NRK: variants seen among roughly 807,000 people sequenced by gnomAD.
NRK encodes the protein Nik related kinase.
A neutral mutation model predicts 125.2 loss-of-function variants in NRK; 67 were observed. The observed-to-expected ratio is 0.54, with a 90% CI of 0.44 to 0.66. The LOEUF is 0.66. Among genes scored for constraint, NRK ranks in the 30% least tolerant of loss-of-function variants. The probability of loss-of-function intolerance (pLI) is 0.00; values close to 1 mark genes in which losing one functional copy is unlikely to be tolerated. For synonymous variants in NRK, 458 were observed against 429.0 expected (o/e 1.07, Z -0.84); for missense variants, 1,224 against 1,192.9 (o/e 1.03, Z -0.38).
At chrX:105,933,376 G>A (rs759329860) in intron 19 of NRK, among the ~76,000 whole-genome samples, 1 of 111,698 alleles carries the variant, frequency 9.0e-6, no homozygotes. Flanking sequence ...TGTTTTTGTG[G>A]TTGAAAAGGT....
chrX:105,920,649 C>A (rs1336790504), intron 16 of NRK, among the ~76,000 whole-genome samples: 3 of 110,418 alleles, frequency 2.7e-5, no homozygotes, highest in Non-Finnish European at 5.7e-5. Flanking sequence ...AAACAAACAA[C>A]CCCATCAAAA....
At chrX:105,913,991 A>G in intron 14 of NRK, among the ~76,000 whole-genome samples, 1 of 110,881 alleles carries the variant, frequency 9.0e-6, no homozygotes, top group East Asian at 2.8e-4. Flanking sequence ...TAGAAAAGGT[A>G]GCATCATCAT....
At chrX:105,923,004 A>G (rs1277899033) in intron 17 of NRK, 114 bp from the exon 18 acceptor site, 13 of 790,696 alleles carry the variant, frequency 1.6e-5, no homozygotes, top group Non-Finnish European at 2.3e-5. Flanking sequence ...TAATGAGTGA[A>G]CATCCTTGTT....
In NRK at chrX:105,822,668, A is replaced by G. The variant is rs926806317; in HGVS notation, c.-178A>G. On this transcript the variant is annotated 5_prime_UTR_variant, in exon 1 of 29. Coordinates refer to ENST00000243300, the MANE Select transcript of NRK (RefSeq NM_198465.4). ...AAACTCCGGTTTCCCTCCACTCCCA[A>G]CTCTTTTCACTACACGTTTCCCCTC... is the stretch of plus-strand genomic sequence containing the variant. 6.0e-6 allele frequency: 3 copies of G among 501,876 alleles called. No individual in the cohort carries two copies. The highest frequency in any genetic ancestry group is 4.8e-5 in the African/African-American group (2 of 41,621). The allele number at this position is 501,876 out of a possible 1,213,427, so 41.4% of individuals were successfully genotyped here.
intron 2 of NRK, among the ~76,000 whole-genome samples, chrX:105,834,179 G>GA (rs1395665189): frequency 1.8e-5 from 2 of 111,245 alleles, no homozygotes; most frequent in South Asian, 3.7e-4. Flanking sequence ...TCTGAGTAAT[G>GA]AATTATCTGC....
At chrX:105,941,593 A>AGAC (rs2147789745) in intron 23 of NRK, among the ~76,000 whole-genome samples, 1 of 66,775 alleles carries the variant, frequency 1.5e-5, no homozygotes, top group Non-Finnish European at 2.8e-5. Context: ...GAGAGAGAGA[A>AGAC]TGCGTAGGGA....
chrX:105,953,308 A>G (rs1194205570), intron 28 of NRK, 135 bp downstream of exon 28: 2 of 460,608 alleles, frequency 4.3e-6, no homozygotes, highest in African/African-American at 5.0e-5. Flanking sequence ...CATACTATTG[A>G]TTAAAAAACA....
intron 1 of NRK, among the ~76,000 whole-genome samples, chrX:105,824,821 A>G (rs2039072240): frequency 9.0e-6 from 1 of 111,070 alleles, no homozygotes; most frequent in African/African-American, 3.3e-5. Context: ...TTTTAATGTA[A>G]GGGGAGTAGC....
rs535938947 is a variant in NRK at position 105,957,502 on chromosome X, G to A, written c.*1902G>A. ...TTTTTCTTCATAATATTTACTCAAAGTTAAGCTTAAAAATAAGTTTTATCT... is the reference window on the plus strand; with the variant it reads ...TTTTTCTTCATAATATTTACTCAAAATTAAGCTTAAAAATAAGTTTTATCT... On this transcript the variant is annotated 3_prime_UTR_variant, in exon 29 of 29. Transcript: ENST00000243300. 1.8e-5 allele frequency: 2 copies of A among 111,590 alleles called. No individual in the cohort carries two copies. Among genetic ancestry groups the A allele is most frequent in the Admixed American group, 1.9e-4 (2 of 10,381 alleles). The allele number at this position is 111,590 out of a possible 1,213,427, so 9.2% of individuals were successfully genotyped here. A position where few individuals can be genotyped will look rare whatever the true frequency, so the allele number is the denominator to read the frequency against.
At chrX:105,875,515 G>A (rs1451293222) in intron 2 of NRK, among the ~76,000 whole-genome samples, 1 of 111,193 alleles carries the variant, frequency 9.0e-6, no homozygotes, top group Non-Finnish European at 1.9e-5. Context: ...CTAATATTGA[G>A]TTTCATTATC....
chrX:105,922,560 A>C lies in NRK; in HGVS notation c.2610+499A>C, dbSNP rs141920924. Among the ~76,000 whole-genome samples the C allele has an allele frequency of 3.6e-5, 4 of 112,068 alleles. No individual in the cohort carries two copies. The East Asian group carries it at 1.1e-3, about 32-fold the overall frequency. Reference sequence around the variant, plus strand: ...ATGCAATGTGCTTTCAGATTATTCTATTTCAATTTTGAATTACCTCTATGC... The same window carrying C: ...ATGCAATGTGCTTTCAGATTATTCTCTTTCAATTTTGAATTACCTCTATGC... On this transcript the variant is annotated intron_variant, in intron 17 of 28. Coordinates refer to ENST00000243300, the MANE Select transcript of NRK (RefSeq NM_198465.4).
intron 28 of NRK, 144 bp from the exon 29 acceptor site, chrX:105,955,361 C>G: frequency 2.8e-6 from 1 of 363,054 alleles, no homozygotes; most frequent in Non-Finnish European, 4.9e-6. Flanking sequence ...TAAACTCATT[C>G]TTTCATTTGA....
intron 9 of NRK, among the ~76,000 whole-genome samples, chrX:105,902,631 A>G (rs750618012): frequency 8.9e-6 from 1 of 112,048 alleles, no homozygotes; most frequent in Non-Finnish European, 1.9e-5. Flanking sequence ...TAGGTTCCCA[A>G]ACCCTGGGCC....
At chrX:105,915,269 G>T (rs541128494) in intron 14 of NRK, among the ~76,000 whole-genome samples, 2 of 110,525 alleles carry the variant, frequency 1.8e-5, no homozygotes, top group South Asian at 7.6e-4. Context: ...AAAATCTAGG[G>T]TTAGCTTAAA....
chrX:105,858,383 T>G (rs1431084396), intron 2 of NRK, among the ~76,000 whole-genome samples: 2 of 50,393 alleles, frequency 4.0e-5, no homozygotes, highest in Non-Finnish European at 6.5e-5. Context: ...CCATCTCCAG[T>G]TTTTTTTTTT....
At chrX:105,863,746 A>G (rs968534043) in intron 2 of NRK, among the ~76,000 whole-genome samples, 2 of 112,403 alleles carry the variant, frequency 1.8e-5, no homozygotes, top group African/African-American at 6.5e-5. Flanking sequence ...TACATTTTGT[A>G]TAAGAGAAGG....
chrX:105,885,662 A>C (rs1382472707), intron 4 of NRK, among the ~76,000 whole-genome samples: 1 of 111,786 alleles, frequency 8.9e-6, no homozygotes, highest in Non-Finnish European at 1.9e-5. Flanking sequence ...TGAAACTTTG[A>C]GAGAATTGCT....
At chrX:105,912,993 A>G (rs928214044) in intron 14 of NRK, among the ~76,000 whole-genome samples, 5 of 112,332 alleles carry the variant, frequency 4.5e-5, no homozygotes, top group Non-Finnish European at 7.5e-5. Context: ...CATAAGAAAC[A>G]CATTTTTAAT....
intron 19 of NRK, among the ~76,000 whole-genome samples, chrX:105,926,050 A>C (rs1262878856): frequency 9.0e-6 from 1 of 111,396 alleles, no homozygotes; most frequent in East Asian, 2.8e-4. Flanking sequence ...TGGGTGTAGT[A>C]GTTTACATTC....
Sources: allele counts gnomAD v4.1 joint callset (sites outside exome capture counted in the v4.1 genomes callset), GRCh38; gene constraint gnomAD v4.1.1; transcripts MANE v1.5; gene names NCBI Gene and HGNC (gene_info 2026-07-23, HGNC 2026-07-21).